The following SLC25A21 variants were observed in gnomAD, a reference collection of about 807,000 sequenced individuals.
SLC25A21 encodes the protein solute carrier family 25 member 21, also known as mitochondrial 2-oxodicarboxylate carrier.
A neutral mutation model predicts 43.8 loss-of-function variants in SLC25A21; 47 were observed. That is an observed-to-expected ratio of 1.07 (90% CI 0.85 to 1.37). SLC25A21 has a LOEUF of 1.37. Among genes scored for constraint, SLC25A21 ranks in the 40% most tolerant of loss-of-function variants. The pLI, the probability that SLC25A21 is intolerant of heterozygous loss-of-function variation, is 0.00. For missense variants in SLC25A21, 352 were observed against 350.2 expected (o/e 1.00, Z -0.04); for synonymous variants, 131 against 121.3 (o/e 1.08, Z -0.52).
intron 9 of SLC25A21, among the ~76,000 whole-genome samples, chr14:36,681,402 G>A (rs1259186067): frequency 1.3e-5 from 2 of 152,202 alleles, no homozygotes; most frequent in Non-Finnish European, 2.9e-5. Flanking sequence ...TGGCTGTGAA[G>A]AGACATGCTC....
At chr14:36,812,184 G>A (rs1017895830) in intron 3 of SLC25A21, among the ~76,000 whole-genome samples, 2 of 152,056 alleles carry the variant, frequency 1.3e-5, no homozygotes, top group Admixed American at 6.6e-5. Flanking sequence ...ACATTCAAAG[G>A]AATACACTTA....
At chr14:36,849,377 CCT>C (rs1273161393) in intron 2 of SLC25A21, among the ~76,000 whole-genome samples, 1 of 151,984 alleles carries the variant, frequency 6.6e-6, no homozygotes, top group East Asian at 1.9e-4. Context: ...GAAATGACAC[CCT>C]GATTCAACAA....
At chr14:36,840,112 C>A (rs1415560506) in intron 2 of SLC25A21, among the ~76,000 whole-genome samples, 2 of 152,154 alleles carry the variant, frequency 1.3e-5, no homozygotes, top group African/African-American at 4.8e-5. Flanking sequence ...ACAGGGAAAC[C>A]AGAGCTCACG....
intron 1 of SLC25A21, among the ~76,000 whole-genome samples, chr14:36,948,891 G>A (rs1892737011): frequency 6.6e-6 from 1 of 152,066 alleles, no homozygotes; most frequent in Non-Finnish European, 1.5e-5. Context: ...TTTCTCTAAT[G>A]TGGCTATTCA....
chr14:37,043,469 C>T (rs1306299529), intron 1 of SLC25A21, among the ~76,000 whole-genome samples: 1 of 152,188 alleles, frequency 6.6e-6, no homozygotes, highest in Non-Finnish European at 1.5e-5. Flanking sequence ...GCCCTCCTTA[C>T]TATCACCTCT....
At chr14:37,103,825 G>A (rs917215100) in intron 1 of SLC25A21, among the ~76,000 whole-genome samples, 1 of 152,164 alleles carries the variant, frequency 6.6e-6, no homozygotes, top group African/African-American at 2.4e-5. Context: ...GGATGAGCTT[G>A]GTACTGAATC....
intron 2 of SLC25A21, among the ~76,000 whole-genome samples, chr14:36,872,189 G>T (rs1890392826): frequency 1.3e-5 from 2 of 152,132 alleles, no homozygotes; most frequent in Admixed American, 1.3e-4. Flanking sequence ...TCCAAATATG[G>T]ATATGGCTCA....
At chr14:36,933,919 G>C (rs1273379721) in intron 1 of SLC25A21, among the ~76,000 whole-genome samples, 2 of 152,126 alleles carry the variant, frequency 1.3e-5, no homozygotes, top group Non-Finnish European at 2.9e-5. Flanking sequence ...AGACAGATGA[G>C]AAGATTTTTG....
chr14:36,739,096 A>T (rs1885153059), intron 3 of SLC25A21, among the ~76,000 whole-genome samples: 1 of 152,192 alleles, frequency 6.6e-6, no homozygotes, highest in African/African-American at 2.4e-5. Context: ...TTTTAATAAA[A>T]GCTTTTGAAA....
chr14:36,998,022 A>T (rs1344019434), intron 1 of SLC25A21, among the ~76,000 whole-genome samples: 1 of 152,204 alleles, frequency 6.6e-6, no homozygotes, highest in African/African-American at 2.4e-5. Context: ...CAATAATAGA[A>T]TTCATTTGTC....
chr14:36,712,572 A>G (rs781243364), intron 6 of SLC25A21, among the ~76,000 whole-genome samples: 16 of 152,330 alleles, frequency 1.1e-4, no homozygotes, highest in Non-Finnish European at 8.8e-5. Context: ...AATTAATGTG[A>G]AACATTTAAA....
At chr14:36,792,027 C>A (rs1455949478) in intron 3 of SLC25A21, among the ~76,000 whole-genome samples, 1 of 152,002 alleles carries the variant, frequency 6.6e-6, no homozygotes, top group African/African-American at 2.4e-5. Flanking sequence ...GTAAAGAGTT[C>A]TAAAAAGACA....
chr14:37,031,547 G>C (rs1961210763), intron 1 of SLC25A21, among the ~76,000 whole-genome samples: 1 of 152,024 alleles, frequency 6.6e-6, no homozygotes. Flanking sequence ...TTATATCACA[G>C]GTATCTCATT....
At chr14:36,893,685 T>C (rs1423699762) in intron 1 of SLC25A21, among the ~76,000 whole-genome samples, 1 of 152,196 alleles carries the variant, frequency 6.6e-6, no homozygotes, top group Non-Finnish European at 1.5e-5. Flanking sequence ...AGGTCTAACA[T>C]TTAAGTCTTT....
chr14:36,726,468 A>T (rs1482676001), intron 5 of SLC25A21, among the ~76,000 whole-genome samples: 1 of 152,088 alleles, frequency 6.6e-6, no homozygotes, highest in Non-Finnish European at 1.5e-5. Context: ...AGAAGAAGAA[A>T]AAGAAGAAAA....
chr14:36,794,593 C>T (rs1297342283), intron 3 of SLC25A21, among the ~76,000 whole-genome samples: 1 of 152,026 alleles, frequency 6.6e-6, no homozygotes, highest in Non-Finnish European at 1.5e-5. Flanking sequence ...CATGGTCAAA[C>T]CCTGTCTCCA....
intron 1 of SLC25A21, among the ~76,000 whole-genome samples, chr14:36,896,771 A>T (rs1413590212): frequency 6.6e-6 from 1 of 152,106 alleles, no homozygotes; most frequent in African/African-American, 2.4e-5. Context: ...TTGTCTGTAA[A>T]GTATTTTATT....
chr14:36,939,206 C>G (rs1892496845), intron 1 of SLC25A21, among the ~76,000 whole-genome samples: 1 of 151,688 alleles, frequency 6.6e-6, no homozygotes, highest in Admixed American at 6.6e-5. Flanking sequence ...TGGTCGGACT[C>G]ATCCATGAAA....
chr14:37,049,034 T>C (rs763275781), intron 1 of SLC25A21, among the ~76,000 whole-genome samples: 2 of 152,174 alleles, frequency 1.3e-5, no homozygotes, highest in African/African-American at 4.8e-5. Context: ...ACCCAAAACC[T>C]TGTGAATCAG....
Sources: gnomAD v4.1 joint callset for allele counts (sites outside exome capture counted in the v4.1 genomes callset) on GRCh38, gnomAD v4.1.1 for gene constraint, MANE v1.5 for transcripts, NCBI Gene and HGNC (gene_info 2026-07-23, HGNC 2026-07-21) for gene names.